VLDLR: variants seen among roughly 807,000 people sequenced by gnomAD.
VLDLR encodes the protein very low-density lipoprotein receptor.
VLDLR carries 81 observed loss-of-function variants against 112.7 expected under a neutral mutation model. The ratio of observed to expected loss-of-function variants is 0.72; its 90% CI spans 0.60 to 0.86. The LOEUF (loss-of-function observed/expected upper bound fraction) is 0.86, where lower values mean the gene tolerates loss of function less well. Ranked by LOEUF, VLDLR falls within the 40% of genes least tolerant of loss-of-function variation. The pLI is 0.00. For missense variants in VLDLR, 1,237 were observed against 1,099.4 expected (o/e 1.13, Z -1.77); for synonymous variants, 436 against 384.8 (o/e 1.13, Z -1.56).
At chr9:2,645,268 T>C (rs770222674) in intron 9 of VLDLR, among the ~76,000 whole-genome samples, 186 bp downstream of exon 9, 55 of 152,190 alleles carry the variant, frequency 3.6e-4, no homozygotes, top group Non-Finnish European at 7.2e-4. Flanking sequence ...CCTTGATCAT[T>C]CCTTTTGCAT....
At position 2,635,198 on chromosome 9, in the gene VLDLR, G is replaced by C. The variant is rs368762925; in HGVS notation, c.83-255G>C. 7.0e-4 allele frequency among the ~76,000 whole-genome samples: 106 copies of C among 152,236 alleles called. 2 individuals carry two copies. The highest frequency in any genetic ancestry group is 2.5e-3 in the African/African-American group (103 of 41,550). On this transcript the variant is annotated intron_variant, in intron 1 of 18. Coordinates refer to ENST00000382100, the MANE Select transcript of VLDLR (RefSeq NM_003383.5). ...TACCATTTTAGTTTACATTCCATTA[G>C]TCAGAATGTAGCCCCTTGGCTGCAC... is the stretch of plus-strand genomic sequence containing the variant.
chr9:2,633,797 A>C (rs557220848), intron 1 of VLDLR, among the ~76,000 whole-genome samples: 3 of 152,296 alleles, frequency 2.0e-5, no homozygotes, highest in African/African-American at 7.2e-5. Context: ...ACTGCAAGAC[A>C]CGTACCCTCA....
Position 2,645,027 on chromosome 9 carries a change from T to A in VLDLR, c.1257T>A (p.Cys419Ter). The change falls in exon 9 of 19, where the codon TGT becomes TGA. Residue 419 changes from cysteine (C) to a stop codon, truncating the protein, a stop_gained. Transcript: ENST00000382100. LOFTEE classifies it high-confidence loss of function. ...TCAACTTAAAAGGCGGTTACAAGTG[T>A]GAATGTAGTCGTGGCTATCAAATGG... Reference protein sequence around the residue: ...ICINLKGGYKCECSRGYQMDL... With the variant: ...ICINLKGGYK 2 of 1,614,182 alleles carry A rather than the reference T, an allele frequency of 1.2e-6. No individual in the cohort carries two copies. The highest frequency in any genetic ancestry group is 1.7e-6 in the Non-Finnish European group (2 of 1,180,032).
chr9:2,645,514 G>GT (rs1188795957), intron 9 of VLDLR, 60 bp from the exon 10 acceptor site: 2 of 1,596,820 alleles, frequency 1.3e-6, no homozygotes, highest in Admixed American at 3.3e-5. Context: ...GGAGGAGGTG[G>GT]TTTAGAAAGA....
Position 2,657,722 on chromosome 9 carries a change from T to C in VLDLR, c.*3854T>C, listed in dbSNP as rs1167430925. Reference sequence around the variant, plus strand: ...CACACTTAGCCCTGGTTGAGGTGCATTGTCTGCTGTCGTCTGTTAAGCATC... The same window carrying C: ...CACACTTAGCCCTGGTTGAGGTGCACTGTCTGCTGTCGTCTGTTAAGCATC... On this transcript the variant is annotated 3_prime_UTR_variant, in exon 19 of 19. Coordinates refer to ENST00000382100, the MANE Select transcript of VLDLR (RefSeq NM_003383.5). The C allele has an allele frequency of 6.6e-6, 1 of 152,172 alleles. No homozygotes were observed. The highest frequency in any genetic ancestry group is 1.9e-4 in the East Asian group (1 of 5,196). 9.4% of individuals were successfully genotyped at this position (152,172 alleles called of 1,614,324 possible).
rs142578876 is a variant in VLDLR at position 2,644,845 on chromosome 9, C to G, written c.1178C>G (p.Thr393Ser). The part of the protein sequence containing the change: ...AAGFELIDRK[T>S]CGDIDECQNP... Reference sequence around the variant, plus strand: ...GGGTTTGAACTGATAGATAGGAAAACCTGTGGAGGTGAGTCTAAGAAGAAA... The same window carrying G: ...GGGTTTGAACTGATAGATAGGAAAAGCTGTGGAGGTGAGTCTAAGAAGAAA... Residue 393 changes from threonine (T) to serine (S), a missense_variant, in exon 8 of 19, where the codon ACC (threonine) becomes AGC (serine). Physicochemically the swap from Thr to Ser is moderately conservative, Grantham distance 58 (BLOSUM62 1). Transcript: ENST00000382100. 1.2e-6 allele frequency: 2 copies of G among 1,613,876 alleles called. No individual in the cohort carries two copies. Among genetic ancestry groups the G allele is most frequent in the African/African-American group, 2.7e-5 (2 of 74,858 alleles).
intron 1 of VLDLR, among the ~76,000 whole-genome samples, chr9:2,629,820 G>T (rs577553813): frequency 2.0e-5 from 3 of 152,296 alleles, no homozygotes; most frequent in African/African-American, 7.2e-5. Flanking sequence ...TTTCGAGATG[G>T]AGTTTCACTC....
chr9:2,631,249 A>G (rs1409024814), intron 1 of VLDLR, among the ~76,000 whole-genome samples: 2 of 152,204 alleles, frequency 1.3e-5, no homozygotes, highest in African/African-American at 2.4e-5. Flanking sequence ...CAAGGAAAAC[A>G]ATATGCAGAT....
At chr9:2,628,648 G>C (rs1817204166) in intron 1 of VLDLR, among the ~76,000 whole-genome samples, 1 of 152,190 alleles carries the variant, frequency 6.6e-6, no homozygotes, top group Non-Finnish European at 1.5e-5. Flanking sequence ...CATCAGGTGA[G>C]AGGAGGGCTT....
intron 3 of VLDLR, among the ~76,000 whole-genome samples, chr9:2,640,800 C>T (rs2130787068): frequency 6.6e-6 from 1 of 152,256 alleles, no homozygotes; most frequent in African/African-American, 2.4e-5. Context: ...TTGGTCAAGG[C>T]AAGTGAGTTC....
chr9:2,635,593 C>T (rs1218679417), intron 2 of VLDLR, 21 bp downstream of exon 2: 1 of 1,613,706 alleles, frequency 6.2e-7, no homozygotes, highest in South Asian at 1.1e-5. Context: ...AGTTTGATGA[C>T]TTATGCATTT....
Position 2,639,933 on chromosome 9 carries a change from G to C in VLDLR, c.277G>C (p.Gly93Arg). The C allele has an allele frequency of 6.2e-7, 1 of 1,614,234 alleles. No homozygotes were observed. The highest frequency in any genetic ancestry group is 8.5e-7 in the Non-Finnish European group (1 of 1,180,044). The stretch of plus-strand genomic sequence containing the variant: ...TGTTCCCAGCCGATGGAAGTGTGAT[G>C]GAGATCCTGACTGCGAAGATGGTTC... The part of the protein sequence containing the change: ...QCVPSRWKCD[G>R]DPDCEDGSDE... Residue 93 changes from glycine to arginine, a missense_variant, in exon 3 of 19, where the codon GGA (glycine) becomes CGA (arginine). Gly to Arg is a moderately radical substitution (Grantham distance 125). Coordinates refer to ENST00000382100, the MANE Select transcript of VLDLR (RefSeq NM_003383.5).
At chr9:2,625,547 T>C (rs1465168427) in intron 1 of VLDLR, among the ~76,000 whole-genome samples, 1 of 152,186 alleles carries the variant, frequency 6.6e-6, no homozygotes, top group African/African-American at 2.4e-5. Flanking sequence ...CATACTAGCC[T>C]ATAAGAAATT....
At chr9:2,653,022 A>G in intron 18 of VLDLR, 73 bp downstream of exon 18, 4 of 1,588,262 alleles carry the variant, frequency 2.5e-6, no homozygotes, top group Non-Finnish European at 3.5e-6. Flanking sequence ...TGGGTGAGAG[A>G]GAGAGAGCCA....
rs1586650394 is a variant in VLDLR at position 2,643,494 on chromosome 9, C to T, written c.783C>T (p.Asp261=). ...ATAAGAAGTGGCGATGTGATGGGGACCCTGACTGCAAGGATGGCAGTGATG... is the reference window on the plus strand; with the variant it reads ...ATAAGAAGTGGCGATGTGATGGGGATCCTGACTGCAAGGATGGCAGTGATG... ...CIHKKWRCDG[D]PDCKDGSDEV... Residue 261 remains aspartate, a synonymous_variant, in exon 5 of 19, where the codon GAC becomes GAT. Transcript: ENST00000382100. The T allele has an allele frequency of 6.2e-7, 1 of 1,614,130 alleles. No homozygotes were observed. Among genetic ancestry groups the T allele is most frequent in the African/African-American group, 1.3e-5 (1 of 75,012 alleles).
At position 2,647,487 on chromosome 9, in the gene VLDLR, T is replaced by G; in HGVS notation, c.1717T>G (p.Ser573Ala). The change falls in exon 12 of 19, where the codon TCA becomes GCA. Residue 573 changes from serine to alanine, a missense_variant. Ser to Ala is a moderately conservative substitution (Grantham distance 99, BLOSUM62 1). Transcript: ENST00000382100. ...VDPLSGFVYWSDWGEPAKIEK... is the reference protein window; with the variant it reads ...VDPLSGFVYWADWGEPAKIEK... ...AATTTTTCACAGCTTTGTTTACTGG[T>G]CAGACTGGGGTGAACCAGCTAAAAT... The G allele has an allele frequency of 1.2e-6, 2 of 1,614,070 alleles. No individual in the cohort carries two copies. Among genetic ancestry groups the G allele is most frequent in the Non-Finnish European group, 1.7e-6 (2 of 1,179,900 alleles).
chr9:2,654,084 A>G lies in VLDLR; in HGVS notation c.*216A>G. The G allele has an allele frequency of 1.8e-6, 1 of 555,634 alleles. No homozygotes were observed. Among genetic ancestry groups the G allele is most frequent in the East Asian group, 3.2e-5 (1 of 31,320 alleles). 34.4% of individuals were successfully genotyped at this position (555,634 alleles called of 1,614,324 possible). Reference sequence around the variant, plus strand: ...ACTTCAGCTTTGGATGTGGTTACCGAGTATCTGTAACCCTTGAATTTCTAG... The same window carrying G: ...ACTTCAGCTTTGGATGTGGTTACCGGGTATCTGTAACCCTTGAATTTCTAG... On this transcript the variant is annotated 3_prime_UTR_variant, in exon 19 of 19. Coordinates refer to ENST00000382100, the MANE Select transcript of VLDLR (RefSeq NM_003383.5).
chr9:2,622,113 T>C lies in VLDLR; in HGVS notation c.-77T>C. ...CCCCGCCCCCACCTTCTTCCTCCTT[T>C]CGGAAGGACTGGTAACTTGTCGTGC... On this transcript the variant is annotated 5_prime_UTR_variant, in exon 1 of 19. Coordinates refer to ENST00000382100, the MANE Select transcript of VLDLR (RefSeq NM_003383.5). 1 of 1,383,588 alleles carries C rather than the reference T, an allele frequency of 7.2e-7. No individual in the cohort carries two copies. 85.7% of individuals were successfully genotyped at this position (1,383,588 alleles called of 1,614,324 possible). A position where few individuals can be genotyped will look rare whatever the true frequency, so the allele number is the denominator to read the frequency against.
chr9:2,644,018 T>TAAC (rs1817947118), intron 7 of VLDLR, 59 bp downstream of exon 7: 1 of 1,612,516 alleles, frequency 6.2e-7, no homozygotes, highest in African/African-American at 1.3e-5. Flanking sequence ...CCAGTATAGC[T>TAAC]AACACTGTGT....
Sources: gnomAD v4.1 joint callset for allele counts (sites outside exome capture counted in the v4.1 genomes callset) on GRCh38, gnomAD v4.1.1 for gene constraint, MANE v1.5 for transcripts, NCBI Gene and HGNC (gene_info 2026-07-23, HGNC 2026-07-21) for gene names.